The following ZNF208 variants were observed in gnomAD, a reference collection of about 807,000 sequenced individuals.
ZNF208 encodes the protein zinc finger protein 208, also known as zinc finger protein 95.
Under a neutral mutation model 12.1 loss-of-function variants are expected in ZNF208, and 10 were observed. That is an observed-to-expected ratio of 0.83 (90% CI 0.51 to 1.40). The LOEUF (loss-of-function observed/expected upper bound fraction) is 1.40. Ranked by LOEUF, ZNF208 falls within the 40% of genes most tolerant of loss-of-function variation. The probability of loss-of-function intolerance (pLI) is 0.00; values close to 1 mark genes in which losing one functional copy is unlikely to be tolerated. For missense variants in ZNF208, 1,652 were observed against 1,485.0 expected (o/e 1.11, Z -1.85); for synonymous variants, 497 against 488.4 (o/e 1.02, Z -0.23).
Position 21,969,906 on chromosome 19 carries a change from C to CA in ZNF208, c.*1284dup. On this transcript the variant is annotated 3_prime_UTR_variant, in exon 4 of 4. Coordinates refer to ENST00000397126, the MANE Select transcript of ZNF208 (RefSeq NM_007153.3). ...TGTGAGAAGATATTACTGGCATTAA[C>CA]AAAAATTTTTTTTTCCAGACAGTCT... Among the ~76,000 whole-genome samples, 1 of 151,924 alleles carries CA rather than the reference C, an allele frequency of 6.6e-6. No individual in the cohort carries two copies. Among genetic ancestry groups the CA allele is most frequent in the South Asian group, 2.1e-4 (1 of 4,830 alleles).
intron 1 of ZNF208, among the ~76,000 whole-genome samples, chr19:21,999,471 C>T (rs1970901964): frequency 6.6e-6 from 1 of 152,158 alleles, no homozygotes; most frequent in African/African-American, 2.4e-5. Flanking sequence ...ACTCTTCTGG[C>T]TTTTGCAGTG....
At position 21,973,372 on chromosome 19, in the gene ZNF208, T is replaced by A; in HGVS notation, c.1662A>T (p.Lys554Asn). 6.2e-7 allele frequency: 1 copy of A among 1,611,730 alleles called. No individual in the cohort carries two copies. Among genetic ancestry groups the A allele is most frequent in the Non-Finnish European group, 8.5e-7 (1 of 1,179,798 alleles). The change falls in exon 4 of 4, where the codon AAA (lysine) becomes AAT (asparagine). Residue 554 changes from lysine to asparagine, a missense_variant. Coordinates refer to ENST00000397126, the MANE Select transcript of ZNF208 (RefSeq NM_007153.3). ...TATAGGCTTTGCCACATTCTTCACATTTGTAGGGTTTCTCTCCAGTATGAA... is the reference window on the plus strand; with the variant it reads ...TATAGGCTTTGCCACATTCTTCACAATTGTAGGGTTTCTCTCCAGTATGAA... Reference protein sequence around the residue: ...KVIHTGEKPYKCEECGKAYKW... With the variant: ...KVIHTGEKPYNCEECGKAYKW...
At chr19:21,977,830 T>C (rs1451499529) in intron 3 of ZNF208, among the ~76,000 whole-genome samples, 1 of 152,194 alleles carries the variant, frequency 6.6e-6, no homozygotes, top group Non-Finnish European at 1.5e-5. Flanking sequence ...TAAGATCCAC[T>C]GGCTTGAAAT....
intron 1 of ZNF208, among the ~76,000 whole-genome samples, chr19:22,000,924 C>A (rs771756640): frequency 1.3e-5 from 2 of 151,996 alleles, no homozygotes; most frequent in Admixed American, 6.6e-5. Context: ...AACAAACAAA[C>A]GAAATCTAGA....
chr19:21,941,146 G>A (rs1048136792), intron 4 of ZNF208: 1 of 389,208 alleles, frequency 2.6e-6, no homozygotes, highest in Non-Finnish European at 4.5e-6. Flanking sequence ...AGAACGGAGA[G>A]CTTCAGCCAA....
Position 21,966,109 on chromosome 19 carries a change from A to T in ZNF208, c.*5082T>A. ...AGAACATGTCATTATACCAAAAAAC[A>T]TTTTATTATTTTTATTTTATATTTA... On this transcript the variant is annotated 3_prime_UTR_variant, in exon 4 of 4. Coordinates refer to ENST00000397126, the MANE Select transcript of ZNF208 (RefSeq NM_007153.3). The T allele has an allele frequency of 6.6e-6, 1 of 152,100 alleles. No individual in the cohort carries two copies. Among genetic ancestry groups the T allele is most frequent in the Middle Eastern group, 3.4e-3 (1 of 294 alleles). 9.4% of individuals were successfully genotyped at this position (152,100 alleles called of 1,614,324 possible).
chr19:21,947,913 G>A (rs1380058189), intron 4 of ZNF208, among the ~76,000 whole-genome samples: 3 of 152,154 alleles, frequency 2.0e-5, no homozygotes, highest in Non-Finnish European at 4.4e-5. Context: ...TAGAAAACGA[G>A]CGGGATGGAA....
intron 2 of ZNF208, among the ~76,000 whole-genome samples, chr19:21,988,427 A>C (rs1195135427): frequency 6.6e-6 from 1 of 152,160 alleles, no homozygotes; most frequent in East Asian, 1.9e-4. Flanking sequence ...TCCTGCCACC[A>C]GAAGGTACAC....
rs369454477 is a variant in ZNF208 at position 21,973,613 on chromosome 19, A to G, written c.1421T>C (p.Ile474Thr). 1 of 1,612,312 alleles carries G rather than the reference A, an allele frequency of 6.2e-7. No homozygotes were observed. Residue 474 changes from isoleucine (I) to threonine (T), a missense_variant, in exon 4 of 4, where the codon ATT (isoleucine) becomes ACT (threonine). Coordinates refer to ENST00000397126, the MANE Select transcript of ZNF208 (RefSeq NM_007153.3). ...MFSILTKHKV[I>T]HNGEKPYKCE... The stretch of plus-strand genomic sequence containing the variant: ...TTTGTAGGGTTTCTCTCCATTATGA[A>G]TTACCTTATGTTTAGTAAGGATTGA...
intron 1 of ZNF208, 118 bp downstream of exon 1, chr19:22,010,674 A>G: frequency 6.6e-7 from 1 of 1,514,750 alleles, no homozygotes; most frequent in Non-Finnish European, 9.2e-7. Context: ...CTAGGCAAGA[A>G]CTCGGGGCAC....
intron 3 of ZNF208, among the ~76,000 whole-genome samples, chr19:21,976,997 G>A (rs1365168445): frequency 6.6e-6 from 1 of 152,180 alleles, no homozygotes; most frequent in Non-Finnish European, 1.5e-5. Flanking sequence ...GAGCAGAAGA[G>A]GTCAAAATAA....
At chr19:21,948,818 T>C (rs1969851725) in intron 4 of ZNF208, among the ~76,000 whole-genome samples, 1 of 152,112 alleles carries the variant, frequency 6.6e-6, no homozygotes, top group Non-Finnish European at 1.5e-5. Flanking sequence ...AACAGTAGGT[T>C]ACCTAGAGCC....
intron 3 of ZNF208, among the ~76,000 whole-genome samples, chr19:21,979,954 C>T (rs1463896793): frequency 1.3e-5 from 2 of 151,872 alleles, no homozygotes; most frequent in Non-Finnish European, 2.9e-5. Context: ...AGACTTTAAA[C>T]CAACAAAGAT....
chr19:21,945,656 T>C (rs1008732167), intron 4 of ZNF208, among the ~76,000 whole-genome samples: 1 of 152,204 alleles, frequency 6.6e-6, no homozygotes, highest in African/African-American at 2.4e-5. Flanking sequence ...AATATTTTAT[T>C]TAATAATTTG....
chr19:21,940,864 G>C (rs1969727601), intron 4 of ZNF208: 1 of 153,956 alleles, frequency 6.5e-6, no homozygotes, highest in Non-Finnish European at 1.4e-5. Context: ...AGGTCGAGGA[G>C]GGCTCGGCCA....
At chr19:21,983,528 T>A (rs1970582260) in intron 3 of ZNF208, among the ~76,000 whole-genome samples, 6 of 152,206 alleles carry the variant, frequency 3.9e-5, no homozygotes, top group Admixed American at 3.9e-4. Context: ...TTATAAATCA[T>A]TCTACTATAA....
intron 3 of ZNF208, among the ~76,000 whole-genome samples, chr19:21,981,369 G>T (rs544358131): frequency 6.6e-6 from 1 of 152,170 alleles, no homozygotes; most frequent in South Asian, 2.1e-4. Context: ...CCAAGATCAA[G>T]TCAGGTTCAT....
chr19:21,982,042 AAG>A (rs1970547850), intron 3 of ZNF208, among the ~76,000 whole-genome samples: 1 of 152,132 alleles, frequency 6.6e-6, no homozygotes, highest in African/African-American at 2.4e-5. Flanking sequence ...TCAAGAAAAT[AAG>A]AGAGGACACA....
chr19:21,979,113 G>C (rs899650362), intron 3 of ZNF208, among the ~76,000 whole-genome samples: 2 of 152,224 alleles, frequency 1.3e-5, no homozygotes, highest in African/African-American at 4.8e-5. Flanking sequence ...TCGGGTACGT[G>C]AAAGTGACAG....
Sources: allele counts gnomAD v4.1 joint callset (sites outside exome capture counted in the v4.1 genomes callset), GRCh38; gene constraint gnomAD v4.1.1; transcripts MANE v1.5; gene names NCBI Gene and HGNC (gene_info 2026-07-23, HGNC 2026-07-21).